The following NRXN1 variants were observed in gnomAD, a reference collection of about 807,000 sequenced individuals.
The protein encoded by NRXN1 is neurexin-1.
A neutral mutation model predicts 150.9 loss-of-function variants in NRXN1; 39 were observed. That is an observed-to-expected ratio of 0.26 (90% CI 0.20 to 0.34). The LOEUF (loss-of-function observed/expected upper bound fraction) is 0.34, where lower values mean the gene tolerates loss of function less well. Ranked by LOEUF, NRXN1 falls within the 10% of genes least tolerant of loss-of-function variation. The pLI, the probability that NRXN1 is intolerant of heterozygous loss-of-function variation, is 1.00. For synonymous variants in NRXN1, 924 were observed against 757.0 expected (o/e 1.22, Z -3.62); for missense variants, 1,815 against 1,949.9 (o/e 0.93, Z 1.30).
chr2:50,680,665 T>G (rs1690248858), intron 5 of NRXN1, among the ~76,000 whole-genome samples: 1 of 152,102 alleles, frequency 6.6e-6, no homozygotes, highest in African/African-American at 2.4e-5. Flanking sequence ...AGAAATTGTT[T>G]TAATATAGGA....
chr2:50,688,002 T>C (rs1324443847), intron 5 of NRXN1, among the ~76,000 whole-genome samples: 5 of 152,208 alleles, frequency 3.3e-5, no homozygotes, highest in Non-Finnish European at 5.9e-5. Flanking sequence ...AATTTAGCAC[T>C]AATAGGTAAA....
At chr2:50,363,057 G>A (rs1179290794) in intron 17 of NRXN1, among the ~76,000 whole-genome samples, 1 of 152,078 alleles carries the variant, frequency 6.6e-6, no homozygotes, top group East Asian at 1.9e-4. Context: ...ACTGAAACTG[G>A]ACTCCTTCCT....
intron 21 of NRXN1, among the ~76,000 whole-genome samples, chr2:49,952,352 G>T (rs557557156): frequency 2.0e-5 from 3 of 152,104 alleles, no homozygotes; most frequent in Non-Finnish European, 1.5e-5. Context: ...CAGACAGGAG[G>T]TGCATATTCA....
intron 21 of NRXN1, among the ~76,000 whole-genome samples, chr2:50,037,936 A>T (rs1051133244): frequency 1.3e-5 from 2 of 152,214 alleles, no homozygotes; most frequent in African/African-American, 4.8e-5. Flanking sequence ...TGAAAACCAG[A>T]TTAATTGCGG....
chr2:49,920,729 T>C lies in NRXN1; in HGVS notation c.*1215A>G, dbSNP rs201722680. On this transcript the variant is annotated 3_prime_UTR_variant, in exon 23 of 23. Transcript: ENST00000401669. ...GTGTGTGTGTGTGTGTGTGTGTGTG[T>C]GTGTGTGTGTGTGTGAAAATAGTGA... The C allele has an allele frequency of 4.5e-5, 6 of 132,308 alleles. No homozygotes were observed. The highest frequency in any genetic ancestry group is 1.4e-4 in the African/African-American group (5 of 35,258). 8.2% of individuals were successfully genotyped at this position (132,308 alleles called of 1,614,324 possible). A position where few individuals can be genotyped will look rare whatever the true frequency, so the allele number is the denominator to read the frequency against.
intron 5 of NRXN1, among the ~76,000 whole-genome samples, chr2:50,854,640 A>G (rs542198546): frequency 2.2e-4 from 34 of 152,168 alleles, no homozygotes; most frequent in African/African-American, 7.7e-4. Context: ...GAATACCCAA[A>G]GGCATTTTGC....
intron 17 of NRXN1, among the ~76,000 whole-genome samples, chr2:50,282,543 T>C (rs1169101255): frequency 1.3e-5 from 2 of 152,148 alleles, no homozygotes; most frequent in Admixed American, 1.3e-4. Flanking sequence ...AACTTGAATA[T>C]GCACTGATTT....
intron 5 of NRXN1, among the ~76,000 whole-genome samples, chr2:50,898,184 C>T (rs368935990): frequency 2.8e-4 from 42 of 152,190 alleles, no homozygotes; most frequent in African/African-American, 9.6e-4. Context: ...GTCACTGTTT[C>T]TTTGTTTCTA....
chr2:50,697,913 GCTGCACTTC>G (rs1409508248), intron 5 of NRXN1, among the ~76,000 whole-genome samples: 2 of 152,030 alleles, frequency 1.3e-5, no homozygotes, highest in Admixed American at 6.6e-5. Flanking sequence ...TCTTCACACG[GCTGCACTTC>G]CTGCTACTCT....
intron 5 of NRXN1, among the ~76,000 whole-genome samples, chr2:50,868,166 T>G (rs1168146364): frequency 1.3e-5 from 1 of 77,766 alleles, no homozygotes; most frequent in Admixed American, 1.9e-4. Flanking sequence ...TATATATATA[T>G]ATATATATAT....
intron 19 of NRXN1, among the ~76,000 whole-genome samples, chr2:50,089,262 A>G (rs1699224299): frequency 6.6e-6 from 1 of 152,208 alleles, no homozygotes; most frequent in African/African-American, 2.4e-5. Flanking sequence ...CAAGAGGCAA[A>G]TGCCACACTG....
At chr2:50,573,472 A>G (rs1220409930) in intron 8 of NRXN1, among the ~76,000 whole-genome samples, 1 of 152,138 alleles carries the variant, frequency 6.6e-6, no homozygotes, top group Non-Finnish European at 1.5e-5. Context: ...TGGGAGTGGT[A>G]ACTTTTAAAT....
At chr2:49,998,178 C>T (rs1489082894) in intron 21 of NRXN1, among the ~76,000 whole-genome samples, 1 of 152,220 alleles carries the variant, frequency 6.6e-6, no homozygotes, top group Non-Finnish European at 1.5e-5. Context: ...AGAATTAAAA[C>T]TTTTACCTGC....
chr2:49,989,762 G>A (rs1681601523), intron 21 of NRXN1, among the ~76,000 whole-genome samples: 1 of 152,278 alleles, frequency 6.6e-6, no homozygotes, highest in East Asian at 1.9e-4. Flanking sequence ...AGACTAGAGT[G>A]AGAATAAAGT....
At chr2:51,022,127 G>C (rs970662762) in intron 2 of NRXN1, among the ~76,000 whole-genome samples, 1 of 151,930 alleles carries the variant, frequency 6.6e-6, no homozygotes, top group Non-Finnish European at 1.5e-5. Context: ...TTTAAATTTT[G>C]CTTGAAAGTA....
chr2:49,987,759 GT>G (rs143744994), intron 21 of NRXN1, among the ~76,000 whole-genome samples: 70,056 of 145,296 alleles, frequency 0.48, 16,675 homozygotes, highest in Middle Eastern at 0.61. Flanking sequence ...ATGAAACAAC[GT>G]TTTTTTTTTT....
chr2:50,069,724 C>A (rs1334329984), intron 19 of NRXN1, among the ~76,000 whole-genome samples: 2 of 152,258 alleles, frequency 1.3e-5, no homozygotes, highest in Admixed American at 6.5e-5. Context: ...GACACACCCA[C>A]CTCTTATCAC....
chr2:50,687,034 C>A (rs974907976), intron 5 of NRXN1, among the ~76,000 whole-genome samples: 5 of 152,124 alleles, frequency 3.3e-5, no homozygotes, highest in African/African-American at 7.2e-5. Flanking sequence ...ACTCAAAGTG[C>A]TTAGCGTCAA....
At chr2:50,980,623 T>A (rs1290441502) in intron 2 of NRXN1, among the ~76,000 whole-genome samples, 25 of 152,058 alleles carry the variant, frequency 1.6e-4, no homozygotes, top group Non-Finnish European at 8.8e-5. Context: ...TGAAGCAAAT[T>A]TAGAAAAGGG....
Sources: gnomAD v4.1 joint callset for allele counts (sites outside exome capture counted in the v4.1 genomes callset) on GRCh38, gnomAD v4.1.1 for gene constraint, MANE v1.5 for transcripts, NCBI Gene and HGNC (gene_info 2026-07-23, HGNC 2026-07-21) for gene names.